Variants in MGMT observed in about 807,000 individuals in gnomAD.
The protein encoded by MGMT is O-6-methylguanine-DNA methyltransferase.
Under a neutral mutation model 15.9 loss-of-function variants are expected in MGMT, and 14 were observed. That is an observed-to-expected ratio of 0.88 (90% CI 0.58 to 1.37). The LOEUF is 1.37. Among genes scored for constraint, MGMT ranks in the 40% most tolerant of loss-of-function variants. The pLI is 0.00. For missense variants in MGMT, 282 were observed against 268.1 expected, an observed-to-expected ratio of 1.05 and a Z score of -0.36; for synonymous variants, 130 against 118.2, an observed-to-expected ratio of 1.10 and a Z score of -0.65.
At chr10:129,705,152 G>A (rs956567764) in intron 2 of MGMT, among the ~76,000 whole-genome samples, 7 of 152,236 alleles carry the variant, frequency 4.6e-5, no homozygotes, top group Non-Finnish European at 7.3e-5. Context: ...GCCCATGGCC[G>A]TGTGTGCCCC....
At chr10:129,679,127 G>A (rs1025642840) in intron 2 of MGMT, among the ~76,000 whole-genome samples, 1 of 151,718 alleles carries the variant, frequency 6.6e-6, no homozygotes, top group Admixed American at 6.6e-5. Context: ...GTTAGTCATA[G>A]GATTACAAGA....
chr10:129,766,193 C>T lies in MGMT; in HGVS notation c.415-595C>T, dbSNP rs577985537. ...TTGGCCAAGTCCTCCTGTCAAGGGC[C>T]AGAGAGTAAATATGTTAGGCTTGGC... is the stretch of plus-strand genomic sequence containing the variant. On this transcript the variant is annotated intron_variant, in intron 4 of 4. Coordinates refer to ENST00000651593, the MANE Select transcript of MGMT (RefSeq NM_002412.5). Among the ~76,000 whole-genome samples the T allele has an allele frequency of 2.0e-5, 3 of 152,308 alleles. No individual in the cohort carries two copies. In the South Asian group the frequency reaches 6.2e-4, roughly 32 times the overall value.
chr10:129,470,853 C>T (rs944877152), intron 1 of MGMT, among the ~76,000 whole-genome samples: 1 of 152,174 alleles, frequency 6.6e-6, no homozygotes, highest in African/African-American at 2.4e-5. Context: ...GTTCTAAAAC[C>T]AGTAAAAAAT....
chr10:129,610,096 C>T lies in MGMT; in HGVS notation c.125+73719C>T, dbSNP rs1405840117. ...GGATTATTTTGGAGTATGCTTTGGT[C>T]TATTATTAAATATCCCAGTCAAAGA... is the stretch of plus-strand genomic sequence containing the variant. On this transcript the variant is annotated intron_variant, in intron 2 of 4. Transcript: ENST00000651593. Among the ~76,000 whole-genome samples the T allele has an allele frequency of 1.3e-4, 19 of 151,984 alleles. No individual in the cohort carries two copies. The East Asian group carries it at 3.7e-3, about 29-fold the overall frequency.
At chr10:129,581,960 G>A (rs1846561042) in intron 2 of MGMT, among the ~76,000 whole-genome samples, 2 of 152,234 alleles carry the variant, frequency 1.3e-5, no homozygotes, top group African/African-American at 2.4e-5. Context: ...CCGGCGTCTT[G>A]TAGGAGGCGC....
rs751044356 is a variant in MGMT at position 129,759,173 on chromosome 10, A to G, written c.275-29A>G. 1.9e-6 allele frequency: 3 copies of G among 1,613,350 alleles called. No homozygotes were observed. In the South Asian group the frequency reaches 3.3e-5, roughly 18 times the overall value. On this transcript the variant is annotated intron_variant, in intron 3 of 4. Coordinates refer to ENST00000651593, the MANE Select transcript of MGMT (RefSeq NM_002412.5). ...AGAGCTGCTGAAGCCGTTTGTCCAA[A>G]TAACATTATCCTGCATTCTTCCTTT...
intron 3 of MGMT, among the ~76,000 whole-genome samples, chr10:129,758,561 C>T (rs1342861442): frequency 3.9e-5 from 6 of 151,946 alleles, no homozygotes; most frequent in African/African-American, 1.5e-4. Flanking sequence ...CAGCAGGATG[C>T]GGCACAAATG....
chr10:129,640,376 G>A (rs1338319065), intron 2 of MGMT, among the ~76,000 whole-genome samples: 1 of 152,178 alleles, frequency 6.6e-6, no homozygotes, highest in African/African-American at 2.4e-5. Context: ...GATTATAGGC[G>A]TGAGCCACTG....
rs117981673 is a variant in MGMT, at chr10:129,581,829, C to T, written c.125+45452C>T. The stretch of plus-strand genomic sequence containing the variant: ...GTCCTCCTGGAGACAAAACCATTTC[C>T]GGGGTATCCCCTGGCTAAGCATTTG... On this transcript the variant is annotated intron_variant, in intron 2 of 4. Transcript: ENST00000651593. 5.7e-3 allele frequency among the ~76,000 whole-genome samples: 873 copies of T among 152,298 alleles called. 7 individuals are homozygous for T. Among genetic ancestry groups the T allele is most frequent in the Admixed American group, 9.1e-3 (140 of 15,304 alleles).
At chr10:129,539,633 A>G (rs956303226) in intron 2 of MGMT, among the ~76,000 whole-genome samples, 9 of 152,174 alleles carry the variant, frequency 5.9e-5, no homozygotes, top group African/African-American at 1.4e-4. Flanking sequence ...CAGCCTCCCG[A>G]GTAGCTGAGA....
intron 3 of MGMT, among the ~76,000 whole-genome samples, chr10:129,720,755 T>C (rs144255406): frequency 7.9e-5 from 12 of 152,308 alleles, no homozygotes; most frequent in African/African-American, 2.9e-4. Flanking sequence ...GCTGTGACAA[T>C]GAACGAATGA....
intron 1 of MGMT, among the ~76,000 whole-genome samples, chr10:129,519,529 C>T (rs994828488): frequency 6.6e-6 from 1 of 152,176 alleles, no homozygotes; most frequent in African/African-American, 2.4e-5. Flanking sequence ...GCTCCAGGAG[C>T]ACGAGACCTT....
intron 2 of MGMT, among the ~76,000 whole-genome samples, chr10:129,640,460 T>C (rs1847315495): frequency 6.6e-6 from 1 of 152,192 alleles, no homozygotes; most frequent in African/African-American, 2.4e-5. Flanking sequence ...CTTAAATCTA[T>C]CATAATAATT....
At chr10:129,713,243 A>T (rs1473154807) in intron 3 of MGMT, among the ~76,000 whole-genome samples, 1 of 152,156 alleles carries the variant, frequency 6.6e-6, no homozygotes, top group Non-Finnish European at 1.5e-5. Context: ...CCTTGCTGAG[A>T]TATTACCTGG....
At chr10:129,501,446 G>C (rs1464806227) in intron 1 of MGMT, among the ~76,000 whole-genome samples, 2 of 152,218 alleles carry the variant, frequency 1.3e-5, no homozygotes, top group East Asian at 1.9e-4. Flanking sequence ...AAAATGTGCT[G>C]AGGGTGGCTG....
At chr10:129,665,303 ACTCT>A (rs200511842) in intron 2 of MGMT, among the ~76,000 whole-genome samples, 4 of 131,706 alleles carry the variant, frequency 3.0e-5, no homozygotes, top group African/African-American at 8.3e-5. Flanking sequence ...CTCTCTCCCA[ACTCT>A]CTCTCTCTCT....
At chr10:129,682,182 A>G (rs1847860446) in intron 2 of MGMT, among the ~76,000 whole-genome samples, 1 of 152,092 alleles carries the variant, frequency 6.6e-6, no homozygotes, top group Non-Finnish European at 1.5e-5. Context: ...CCACACAAAA[A>G]CTGTACACAA....
At chr10:129,684,028 G>T (rs1292576800) in intron 2 of MGMT, among the ~76,000 whole-genome samples, 1 of 152,322 alleles carries the variant, frequency 6.6e-6, no homozygotes, top group East Asian at 1.9e-4. Flanking sequence ...CATTACAGAT[G>T]CCTCGGCAGA....
chr10:129,739,394 T>C (rs1339404335), intron 3 of MGMT, among the ~76,000 whole-genome samples: 2 of 152,212 alleles, frequency 1.3e-5, no homozygotes, highest in African/African-American at 4.8e-5. Flanking sequence ...ATTCTATATT[T>C]AGAAAACCCC....
Sources: allele counts gnomAD v4.1 joint callset (sites outside exome capture counted in the v4.1 genomes callset), GRCh38; gene constraint gnomAD v4.1.1; transcripts MANE v1.5; gene names NCBI Gene and HGNC (gene_info 2026-07-23, HGNC 2026-07-21).